Variants in NFATC2 observed in about 807,000 individuals in gnomAD.
The protein encoded by NFATC2 is nuclear factor of activated T cells 2, also known as nuclear factor of activated T-cells, cytoplasmic 2.
A neutral mutation model predicts 87.3 loss-of-function variants in NFATC2; 22 were observed. That is an observed-to-expected ratio of 0.25 (90% CI 0.18 to 0.36). The LOEUF (loss-of-function observed/expected upper bound fraction) is 0.36. Among genes scored for constraint, NFATC2 ranks in the 10% least tolerant of loss-of-function variants. The probability of loss-of-function intolerance (pLI) is 1.00; values close to 1 mark genes in which losing one functional copy is unlikely to be tolerated. For missense variants in NFATC2, 1,149 were observed against 1,259.1 expected (o/e 0.91, Z 1.32); for synonymous variants, 565 against 542.2 (o/e 1.04, Z -0.58).
chr20:51,413,825 C>T (rs1408307202), intron 9 of NFATC2, among the ~76,000 whole-genome samples: 2 of 152,174 alleles, frequency 1.3e-5, no homozygotes, highest in African/African-American at 4.8e-5. Flanking sequence ...AATGTACTCA[C>T]TTGCTGTGGG....
rs151156716 is a variant in NFATC2, at chr20:51,551,302, T to G, written c.70+11258A>C. 5.6e-3 allele frequency among the ~76,000 whole-genome samples: 850 copies of G among 152,326 alleles called. 7 individuals carry two copies. The highest frequency in any genetic ancestry group is 0.019 in the African/African-American group (806 of 41,570). The stretch of plus-strand genomic sequence containing the variant: ...ATCCTCGCTGAACAAGCTATTATAA[T>G]TTTAATAAAGACAGGGTCAGTAACA... On this transcript the variant is annotated intron_variant, in intron 1 of 10. Coordinates refer to the NFATC2 transcript ENST00000414705.
intron 9 of NFATC2, among the ~76,000 whole-genome samples, chr20:51,431,720 T>A (rs1982737341): frequency 6.6e-6 from 1 of 152,194 alleles, no homozygotes; most frequent in South Asian, 2.1e-4. Flanking sequence ...TTTCTTGGCC[T>A]CAGTCTAAAT....
intron 5 of NFATC2, among the ~76,000 whole-genome samples, chr20:51,472,035 C>G (rs149996324): frequency 3.3e-5 from 5 of 152,084 alleles, no homozygotes; most frequent in Admixed American, 6.6e-5. Context: ...GGTGGATCAT[C>G]TGAGGTCAGG....
chr20:51,391,222 G>T lies in NFATC2; in HGVS notation c.*274C>A. 1 of 736,256 alleles carries T rather than the reference G, an allele frequency of 1.4e-6. No individual in the cohort carries two copies. 45.6% of individuals were successfully genotyped at this position (736,256 alleles called of 1,614,324 possible). ...TAAACCGAAAAGAAGAGTTCTCTCTGGTGTTTAGAGGGAGGTGGCGAGCTC... is the reference window on the plus strand; with the variant it reads ...TAAACCGAAAAGAAGAGTTCTCTCTTGTGTTTAGAGGGAGGTGGCGAGCTC... On this transcript the variant is annotated 3_prime_UTR_variant, in exon 11 of 11. Transcript: ENST00000371564.
rs13036702 is a variant in NFATC2 at position 51,526,557 on chromosome 20, C to T, written c.131-2447G>A. On this transcript the variant is annotated intron_variant, in intron 1 of 10. Transcript: ENST00000371564. ...CTTGCAAGCCCCCATAAACATTTGC[C>T]GAGTGGCTGAGAGAATAAGTAAATA... Among the ~76,000 whole-genome samples, 856 of 152,224 alleles carry T rather than the reference C, an allele frequency of 5.6e-3. 15 individuals are homozygous for T. The highest frequency in any genetic ancestry group is 0.037 in the Admixed American group (560 of 15,300).
chr20:51,431,279 A>G (rs943357519), intron 9 of NFATC2, among the ~76,000 whole-genome samples: 1 of 152,058 alleles, frequency 6.6e-6, no homozygotes, highest in Non-Finnish European at 1.5e-5. Flanking sequence ...CGACCTCCCA[A>G]TGCACCTTGC....
chr20:51,461,357 T>C (rs1987126731), intron 5 of NFATC2, among the ~76,000 whole-genome samples: 1 of 152,186 alleles, frequency 6.6e-6, no homozygotes, highest in African/African-American at 2.4e-5. Context: ...ACCAGGCACC[T>C]TGCTTTTAAA....
At position 51,542,641 on chromosome 20, in the gene NFATC2, G is replaced by T; in HGVS notation, c.-142C>A. On this transcript the variant is annotated 5_prime_UTR_variant, in exon 1 of 11. Coordinates refer to ENST00000371564, the MANE Select transcript of NFATC2 (RefSeq NM_012340.5). The stretch of plus-strand genomic sequence containing the variant: ...AGGGACGCACGCCGGGTCCGGGGAC[G>T]GCGCGCCTGGCGCAGCGGGTCCTGG... 2 of 1,190,424 alleles carry T rather than the reference G, an allele frequency of 1.7e-6. No homozygotes were observed. Among genetic ancestry groups the T allele is most frequent in the Non-Finnish European group, 1.0e-6 (1 of 960,366 alleles). 73.7% of individuals were successfully genotyped at this position (1,190,424 alleles called of 1,614,324 possible).
chr20:51,468,786 G>A (rs759659770), intron 5 of NFATC2, among the ~76,000 whole-genome samples: 1 of 152,222 alleles, frequency 6.6e-6, no homozygotes, highest in African/African-American at 2.4e-5. Context: ...ACAAAGGGGG[G>A]CACCCCGTAC....
intron 2 of NFATC2, among the ~76,000 whole-genome samples, chr20:51,517,261 T>C (rs2076366748): frequency 6.6e-6 from 1 of 152,116 alleles, no homozygotes; most frequent in South Asian, 2.1e-4. Context: ...TTTGAGTATC[T>C]AAACTTATCT....
At chr20:51,460,493 G>A (rs916101693) in intron 5 of NFATC2, among the ~76,000 whole-genome samples, 1 of 152,128 alleles carries the variant, frequency 6.6e-6, no homozygotes, top group African/African-American at 2.4e-5. Flanking sequence ...TGTAGCTTCT[G>A]AGAGGCTGTA....
At chr20:51,412,355 T>C (rs1295800406) in intron 9 of NFATC2, among the ~76,000 whole-genome samples, 1 of 152,004 alleles carries the variant, frequency 6.6e-6, no homozygotes, top group East Asian at 1.9e-4. Flanking sequence ...GCATTCTGAG[T>C]CACAAGGCCA....
intron 5 of NFATC2, among the ~76,000 whole-genome samples, chr20:51,472,002 C>G (rs563256307): frequency 6.6e-6 from 1 of 152,316 alleles, no homozygotes; most frequent in East Asian, 1.9e-4. Context: ...CCTGCGATCC[C>G]AGCACTTTGG....
intron 3 of NFATC2, among the ~76,000 whole-genome samples, chr20:51,513,105 C>G (rs921104060): frequency 1.3e-5 from 2 of 152,012 alleles, no homozygotes; most frequent in African/African-American, 4.8e-5. Flanking sequence ...ATTCAAATGA[C>G]TTTTTAAAAA....
chr20:51,554,575 T>C (rs981080365), intron 1 of NFATC2, among the ~76,000 whole-genome samples: 1 of 152,256 alleles, frequency 6.6e-6, no homozygotes, highest in African/African-American at 2.4e-5. Context: ...CCTTTGTCTT[T>C]GCTGAGAGCG....
intron 1 of NFATC2, among the ~76,000 whole-genome samples, chr20:51,527,764 C>T (rs77263937): frequency 0.072 from 10,892 of 152,090 alleles, 470 homozygotes; most frequent in African/African-American, 0.11. Context: ...CACGTGCCCC[C>T]GGAACCACAT....
intron 6 of NFATC2, among the ~76,000 whole-genome samples, chr20:51,439,386 A>G (rs961954060): frequency 5.9e-5 from 9 of 152,202 alleles, no homozygotes; most frequent in African/African-American, 1.9e-4. Context: ...CCTGTGGGGA[A>G]GCCGGATTGG....
intron 6 of NFATC2, 127 bp from the exon 7 acceptor site, chr20:51,435,888 T>C: frequency 1.3e-6 from 1 of 751,860 alleles, no homozygotes; most frequent in South Asian, 1.6e-5. Flanking sequence ...TGTGTGTCAA[T>C]ATGTGCACGT....
intron 6 of NFATC2, among the ~76,000 whole-genome samples, chr20:51,451,571 G>T (rs1035843249): frequency 6.6e-6 from 1 of 152,202 alleles, no homozygotes; most frequent in Non-Finnish European, 1.5e-5. Context: ...ATAGACCAGG[G>T]GTCTTCAATC....
Sources: gnomAD v4.1 joint callset for allele counts (sites outside exome capture counted in the v4.1 genomes callset) on GRCh38, gnomAD v4.1.1 for gene constraint, MANE v1.5 for transcripts, NCBI Gene and HGNC (gene_info 2026-07-23, HGNC 2026-07-21) for gene names.